Variants in MYO6 observed in about 807,000 individuals in gnomAD.
MYO6 encodes myosin VI, also known as unconventional myosin-VI.
MYO6 carries 74 observed loss-of-function variants against 178.7 expected under a neutral mutation model. The observed-to-expected ratio is 0.41, with a 90% CI of 0.34 to 0.50. The LOEUF is 0.50. Ranked by LOEUF, MYO6 falls within the 20% of genes least tolerant of loss-of-function variation. MYO6 has a pLI of 0.09. For missense variants in MYO6, 1,330 were observed against 1,547.4 expected, an observed-to-expected ratio of 0.86 and a Z score of 2.36; for synonymous variants, 477 against 504.6, an observed-to-expected ratio of 0.95 and a Z score of 0.73.
intron 20 of MYO6, among the ~76,000 whole-genome samples, chr6:75,879,250 T>C (rs763920436): frequency 6.6e-6 from 1 of 152,066 alleles, no homozygotes; most frequent in Non-Finnish European, 1.5e-5. Context: ...CTTAGTTTTG[T>C]TTTGTTTTGT....
chr6:75,781,237 G>A (rs972887344), intron 1 of MYO6, among the ~76,000 whole-genome samples: 1 of 152,186 alleles, frequency 6.6e-6, no homozygotes, highest in Non-Finnish European at 1.5e-5. Context: ...TTAAAAGTAG[G>A]TTCATAGAAA....
intron 1 of MYO6, among the ~76,000 whole-genome samples, chr6:75,779,187 C>G (rs1377807895): frequency 6.6e-6 from 1 of 151,870 alleles, no homozygotes; most frequent in Non-Finnish European, 1.5e-5. Context: ...GCACATGCCA[C>G]TGTGCCTGGT....
intron 1 of MYO6, among the ~76,000 whole-genome samples, chr6:75,806,586 A>G (rs1770114142): frequency 6.6e-6 from 1 of 152,186 alleles, no homozygotes; most frequent in Non-Finnish European, 1.5e-5. Context: ...GATGGCCATA[A>G]CGCCCATGCT....
rs186739523 is a variant in MYO6, at chr6:75,901,346, T to C, written c.3176+2935T>C. On this transcript the variant is annotated intron_variant, in intron 30 of 34. Transcript: ENST00000369977. ...GGGCAATATGGCCATTTTCACGATA[T>C]TGATTCTTCCTACCCATGGATCTTC... 4.0e-3 allele frequency among the ~76,000 whole-genome samples: 615 copies of C among 152,360 alleles called. 6 individuals are homozygous for C. Among genetic ancestry groups the C allele is most frequent in the African/African-American group, 0.014 (588 of 41,580 alleles).
At chr6:75,799,683 A>G (rs1769242119) in intron 1 of MYO6, among the ~76,000 whole-genome samples, 2 of 152,126 alleles carry the variant, frequency 1.3e-5, no homozygotes, top group Non-Finnish European at 1.5e-5. Context: ...CCTTCATTTC[A>G]AGGAATGAAA....
At chr6:75,878,695 A>G (rs1777763008) in intron 20 of MYO6, among the ~76,000 whole-genome samples, 1 of 152,254 alleles carries the variant, frequency 6.6e-6, no homozygotes, top group Non-Finnish European at 1.5e-5. Context: ...TTGGTGTAAG[A>G]AGTGAGACAA....
intron 7 of MYO6, among the ~76,000 whole-genome samples, chr6:75,838,146 G>A (rs1331179489): frequency 2.0e-5 from 3 of 151,314 alleles, no homozygotes; most frequent in Non-Finnish European, 4.4e-5. Flanking sequence ...TCTGTCTCCC[G>A]AGTTCAAGTG....
chr6:75,827,355 A>G (rs1164388907), intron 3 of MYO6, among the ~76,000 whole-genome samples: 1 of 152,166 alleles, frequency 6.6e-6, no homozygotes, highest in East Asian at 1.9e-4. Context: ...CGATAGATGA[A>G]TGATACCTGC....
chr6:75,828,631 A>G lies in MYO6; in HGVS notation c.261+18A>G, dbSNP rs1195538802. 2.1e-6 allele frequency: 3 copies of G among 1,441,662 alleles called. No homozygotes were observed. In the African/African-American group the frequency reaches 4.2e-5, roughly 20 times the overall value. The allele number at this position is 1,441,662 out of a possible 1,614,324, so 89.3% of individuals were successfully genotyped here. A position where few individuals can be genotyped will look rare whatever the true frequency, so the allele number is the denominator to read the frequency against. ...GAATTTATGTAAGTATTTTACCTGT[A>G]GTGTAAGTTTTTGTGGAGATAATTA... On this transcript the variant is annotated intron_variant, in intron 4 of 34. Transcript: ENST00000369977.
At chr6:75,914,327 C>T (rs373313873) in intron 34 of MYO6, 46 bp downstream of exon 34, 277 of 1,539,150 alleles carry the variant, frequency 1.8e-4, no homozygotes, top group Non-Finnish European at 2.4e-4. Context: ...CAAAAAAGAT[C>T]ATAAACTCTC....
Position 75,867,030 on chromosome 6 carries a change from A to T in MYO6, c.1869A>T (p.Ser623=), listed in dbSNP as rs149374514. 19 of 1,613,416 alleles carry T rather than the reference A, an allele frequency of 1.2e-5. No individual in the cohort carries two copies. The African/African-American group carries it at 2.5e-4, about 22-fold the overall frequency. Residue 623 remains serine (S), a synonymous_variant, in exon 18 of 35, where the codon TCA becomes TCT. Transcript: ENST00000369977. ...RDKFIRELFE[S]STNNNKDTKQ... is the part of the protein sequence containing the mutation. ...AGTTTATACGGGAATTATTTGAATC[A>T]TCCACAAATAACAACAAAGATACTA...
In MYO6 at chr6:75,845,068, A is replaced by G. The variant is rs929246586; in HGVS notation, c.897+91A>G. Reference sequence around the variant, plus strand: ...TAATTTTTATTTTAGAGCCCAAGTAAGAGTTCTAACTTTTAGGCTTATACT... The same window carrying G: ...TAATTTTTATTTTAGAGCCCAAGTAGGAGTTCTAACTTTTAGGCTTATACT... On this transcript the variant is annotated intron_variant, in intron 10 of 34. Transcript: ENST00000369977. The G allele has an allele frequency of 7.1e-5, 74 of 1,046,552 alleles. 1 individual carries two copies. The highest frequency in any genetic ancestry group is 1.8e-4 in the South Asian group (14 of 75,756). 64.8% of individuals were successfully genotyped at this position (1,046,552 alleles called of 1,614,324 possible). A position where few individuals can be genotyped will look rare whatever the true frequency, so the allele number is the denominator to read the frequency against.
chr6:75,759,498 C>G (rs545218327), intron 1 of MYO6, among the ~76,000 whole-genome samples: 1 of 151,998 alleles, frequency 6.6e-6, no homozygotes, highest in East Asian at 1.9e-4. Flanking sequence ...AAGGGAGGTT[C>G]CCTGATCTCT....
intron 2 of MYO6, among the ~76,000 whole-genome samples, chr6:75,822,080 T>G (rs1371033909): frequency 1.3e-5 from 2 of 152,048 alleles, no homozygotes; most frequent in Admixed American, 1.3e-4. Context: ...TGTCTTTTTT[T>G]TTTGAGATGG....
At chr6:75,891,582 A>T (rs1275758800) in intron 27 of MYO6, among the ~76,000 whole-genome samples, 1 of 152,164 alleles carries the variant, frequency 6.6e-6, no homozygotes. Flanking sequence ...CAGTGAGCCA[A>T]GATGACACCA....
chr6:75,837,622 A>G (rs1160268059), intron 7 of MYO6, among the ~76,000 whole-genome samples: 1 of 152,192 alleles, frequency 6.6e-6, no homozygotes, highest in African/African-American at 2.4e-5. Flanking sequence ...TGATATGTGC[A>G]TTTTTCACAA....
At chr6:75,767,030 CTT>C (rs34267670) in intron 1 of MYO6, among the ~76,000 whole-genome samples, 6 of 145,138 alleles carry the variant, frequency 4.1e-5, no homozygotes, top group South Asian at 2.2e-4. Context: ...TCAATTCATT[CTT>C]TTTTTTTTTT....
intron 1 of MYO6, among the ~76,000 whole-genome samples, chr6:75,798,251 A>G (rs990012661): frequency 6.6e-6 from 1 of 151,962 alleles, no homozygotes; most frequent in African/African-American, 2.4e-5. Flanking sequence ...TCCTTTTCCT[A>G]TTGCTTGTTT....
chr6:75,845,626 G>A (rs1562240728), intron 10 of MYO6, among the ~76,000 whole-genome samples: 2 of 151,720 alleles, frequency 1.3e-5, no homozygotes, highest in Non-Finnish European at 2.9e-5. Flanking sequence ...CCCTGGAGGT[G>A]GAGGCTGCAG....
Sources: gnomAD v4.1 joint callset for allele counts (sites outside exome capture counted in the v4.1 genomes callset) on GRCh38, gnomAD v4.1.1 for gene constraint, MANE v1.5 for transcripts, NCBI Gene and HGNC (gene_info 2026-07-23, HGNC 2026-07-21) for gene names.